Variants in STX8 observed in about 807,000 individuals in gnomAD.
STX8 encodes syntaxin-8.
In STX8, 23 loss-of-function variants were observed where a neutral mutation model predicts 37.5. The ratio of observed to expected loss-of-function variants is 0.61; its 90% CI spans 0.44 to 0.87. The LOEUF (loss-of-function observed/expected upper bound fraction) is 0.87. STX8 is among the 40% of genes least tolerant of loss of function. The probability of loss-of-function intolerance (pLI) is 0.00; values close to 1 mark genes in which losing one functional copy is unlikely to be tolerated. For synonymous variants in STX8, 115 were observed against 99.1 expected (o/e 1.16, Z -0.95); for missense variants, 313 against 284.7 (o/e 1.10, Z -0.71).
Position 9,559,975 on chromosome 17 carries a change from T to C in STX8, c.118-2447A>G, listed in dbSNP as rs540749620. Among the ~76,000 whole-genome samples, 61 of 147,468 alleles carry C rather than the reference T, an allele frequency of 4.1e-4. No homozygotes were observed. The Middle Eastern group carries it at 0.031, about 76-fold the overall frequency. The stretch of plus-strand genomic sequence containing the variant: ...CAGAGTTTCACCATATTGGTCAGGC[T>C]GGTCTCGAACTCCTGACCTCAGGTG... On this transcript the variant is annotated intron_variant, in intron 2 of 7. Transcript: ENST00000306357.
At chr17:9,364,964 A>G (rs1911178684) in intron 7 of STX8, among the ~76,000 whole-genome samples, 2 of 152,204 alleles carry the variant, frequency 1.3e-5, no homozygotes, top group Non-Finnish European at 2.9e-5. Context: ...TGACTACCTA[A>G]TTGGGACAAA....
At chr17:9,315,198 C>G (rs1909342074) in intron 7 of STX8, among the ~76,000 whole-genome samples, 1 of 151,772 alleles carries the variant, frequency 6.6e-6, no homozygotes, top group African/African-American at 2.4e-5. Flanking sequence ...AGTTCCTGGC[C>G]ATGACAGGAT....
chr17:9,557,475 A>G lies in STX8; in HGVS notation c.171T>C (p.Leu57=). 6.2e-7 allele frequency: 1 copy of G among 1,614,090 alleles called. No individual in the cohort carries two copies. Among genetic ancestry groups the G allele is most frequent in the Non-Finnish European group, 8.5e-7 (1 of 1,179,982 alleles). The part of the protein sequence containing the change: ...LLQNLKEKIA[L]LKDLLLRAVS... ...CAGCTCTTAGCAATAAGTCCTTCAA[A>G]AGGGCGATCTTTTCCTTCAGGTTCT... The change falls in exon 3 of 8, where the codon CTT becomes CTC. Residue 57 remains leucine, a synonymous_variant. Coordinates refer to ENST00000306357, the MANE Select transcript of STX8 (RefSeq NM_004853.3).
intron 7 of STX8, among the ~76,000 whole-genome samples, chr17:9,332,724 T>C (rs899398145): frequency 1.3e-5 from 2 of 152,248 alleles, no homozygotes; most frequent in Admixed American, 1.3e-4. Context: ...CTGTCTAGAC[T>C]GTAACACAAT....
chr17:9,487,861 A>C (rs6503209), intron 6 of STX8, among the ~76,000 whole-genome samples: 129,940 of 152,224 alleles, frequency 0.85, 56,022 homozygotes, highest in East Asian at 0.98. Flanking sequence ...TTAGACCTGT[A>C]ATGTGAGCAT....
intron 7 of STX8, among the ~76,000 whole-genome samples, chr17:9,330,959 CT>C (rs1243444174): frequency 2.0e-5 from 3 of 152,194 alleles, no homozygotes; most frequent in Non-Finnish European, 4.4e-5. Context: ...AATTTTTTCT[CT>C]TTTTAAATAT....
At position 9,292,983 on chromosome 17, in the gene STX8, G is replaced by A. The variant is rs73976032; in HGVS notation, c.644-42338C>T. ...GATTAAAGTAACCTGACAGAAAATAGAACAAAACATGAATATCCGGTATCA... is the reference window on the plus strand; with the variant it reads ...GATTAAAGTAACCTGACAGAAAATAAAACAAAACATGAATATCCGGTATCA... On this transcript the variant is annotated intron_variant, in intron 7 of 7. Coordinates refer to ENST00000306357, the MANE Select transcript of STX8 (RefSeq NM_004853.3). Among the ~76,000 whole-genome samples, 142 of 152,278 alleles carry A rather than the reference G, an allele frequency of 9.3e-4. 1 individual carries two copies. The highest frequency in any genetic ancestry group is 3.2e-3 in the African/African-American group (135 of 41,556).
chr17:9,254,849 G>A (rs1395323217), intron 7 of STX8, among the ~76,000 whole-genome samples: 1 of 152,106 alleles, frequency 6.6e-6, no homozygotes, highest in African/African-American at 2.4e-5. Flanking sequence ...GCGCACGTGT[G>A]TGCATGTGTG....
Position 9,299,748 on chromosome 17 carries a change from T to TAA in STX8, c.644-49104_644-49103insTT, listed in dbSNP as rs1041124720. Among the ~76,000 whole-genome samples, 92 of 152,276 alleles carry TAA rather than the reference T, an allele frequency of 6.0e-4. 1 individual carries two copies. The highest frequency in any genetic ancestry group is 2.0e-3 in the African/African-American group (83 of 41,550). On this transcript the variant is annotated intron_variant, in intron 7 of 7. Transcript: ENST00000306357. Reference sequence around the variant, plus strand: ...TGAGCCACCGTGCTCGGGCCATTCTTACATTATTTAATACTGGTCATACCA... The same window carrying TAA: ...TGAGCCACCGTGCTCGGGCCATTCTTAAACATTATTTAATACTGGTCATACCA...
intron 1 of STX8, among the ~76,000 whole-genome samples, 189 bp downstream of exon 1, chr17:9,575,603 C>A (rs902817733): frequency 2.0e-5 from 3 of 152,188 alleles, no homozygotes; most frequent in African/African-American, 7.2e-5. Context: ...GGTCTCCTTC[C>A]CGGGCCACCC....
At chr17:9,458,617 G>C (rs1487171697) in intron 6 of STX8, among the ~76,000 whole-genome samples, 1 of 152,192 alleles carries the variant, frequency 6.6e-6, no homozygotes, top group Non-Finnish European at 1.5e-5. Flanking sequence ...CTAACTTCGA[G>C]TTTGCTCTCG....
chr17:9,356,763 T>C (rs1910891784), intron 7 of STX8, among the ~76,000 whole-genome samples: 1 of 152,146 alleles, frequency 6.6e-6, no homozygotes, highest in Admixed American at 6.5e-5. Flanking sequence ...AAGGCAGGCC[T>C]GCTTCTGCTG....
At chr17:9,340,862 G>T (rs1222513269) in intron 7 of STX8, among the ~76,000 whole-genome samples, 6 of 150,084 alleles carry the variant, frequency 4.0e-5, no homozygotes, top group Non-Finnish European at 4.4e-5. Context: ...TCTCCATGTT[G>T]GTTAGGCTGG....
At chr17:9,418,800 C>G (rs1305900529) in intron 6 of STX8, among the ~76,000 whole-genome samples, 1 of 120,412 alleles carries the variant, frequency 8.3e-6, no homozygotes, top group African/African-American at 3.2e-5. Context: ...GCACTCTAGC[C>G]TGGGCGACAG....
In STX8 at chr17:9,382,829, G is replaced by A. The variant is rs149794771; in HGVS notation, c.542-4176C>T. Among the ~76,000 whole-genome samples the A allele has an allele frequency of 8.4e-3, 1,277 of 152,336 alleles. 17 individuals carry two copies. Among genetic ancestry groups the A allele is most frequent in the African/African-American group, 0.028 (1,177 of 41,574 alleles). ...ACTTCTGATTTCCCCACAGGGCAAA[G>A]ATGAAACCACAAGAGAAAGCAGAAA... On this transcript the variant is annotated intron_variant, in intron 6 of 7. Coordinates refer to ENST00000306357, the MANE Select transcript of STX8 (RefSeq NM_004853.3).
intron 4 of STX8, among the ~76,000 whole-genome samples, chr17:9,543,836 T>C (rs1906384219): frequency 6.6e-6 from 1 of 152,212 alleles, no homozygotes; most frequent in Non-Finnish European, 1.5e-5. Flanking sequence ...TTAGGTTCAT[T>C]TCTTCACAGA....
intron 7 of STX8, among the ~76,000 whole-genome samples, chr17:9,337,346 C>T (rs1398528854): frequency 3.3e-5 from 5 of 151,926 alleles, no homozygotes; most frequent in African/African-American, 1.2e-4. Flanking sequence ...TCCTCAAAAT[C>T]CTAGGGACCA....
At chr17:9,506,590 CAG>C (rs1318090209) in intron 4 of STX8, among the ~76,000 whole-genome samples, 2 of 152,088 alleles carry the variant, frequency 1.3e-5, no homozygotes, top group African/African-American at 4.8e-5. Context: ...TCTCTTCCAC[CAG>C]GACTGAGGAG....
At chr17:9,530,085 T>A (rs1454953134) in intron 4 of STX8, among the ~76,000 whole-genome samples, 1 of 151,734 alleles carries the variant, frequency 6.6e-6, no homozygotes, top group East Asian at 1.9e-4. Context: ...AGGCGGGCGG[T>A]TCATGAGGTC....
Sources: gnomAD v4.1 joint callset for allele counts (sites outside exome capture counted in the v4.1 genomes callset) on GRCh38, gnomAD v4.1.1 for gene constraint, MANE v1.5 for transcripts, NCBI Gene and HGNC (gene_info 2026-07-23, HGNC 2026-07-21) for gene names.